Variants in AMOT observed in about 807,000 individuals in gnomAD.
The protein encoded by AMOT is angiomotin.
A neutral mutation model predicts 67.0 loss-of-function variants in AMOT; 11 were observed. The ratio of observed to expected loss-of-function variants is 0.16; its 90% confidence interval spans 0.10 to 0.27. The LOEUF (loss-of-function observed/expected upper bound fraction) is 0.27, where lower values mean the gene tolerates loss of function less well. AMOT is among the 10% of genes least tolerant of loss of function. The pLI is 1.00. For synonymous variants in AMOT, 326 were observed against 321.4 expected (o/e 1.01, Z -0.15); for missense variants, 753 against 852.0 (o/e 0.88, Z 1.45).
intron 2 of AMOT, among the ~76,000 whole-genome samples, chrX:112,825,884 T>C (rs1469905090): frequency 1.8e-5 from 2 of 109,321 alleles, no homozygotes; most frequent in African/African-American, 3.3e-5. Context: ...ATCTGATCAA[T>C]GGTCCATCCA....
chrX:112,798,074 A>C (rs1303714490), intron 8 of AMOT, among the ~76,000 whole-genome samples: 1 of 111,722 alleles, frequency 9.0e-6, no homozygotes, highest in Non-Finnish European at 1.9e-5. Context: ...TGATGCTTTT[A>C]CGTTCACCAG....
chrX:112,814,240 G>A (rs1171744920), intron 5 of AMOT, among the ~76,000 whole-genome samples: 1 of 107,089 alleles, frequency 9.3e-6, no homozygotes, highest in Non-Finnish European at 1.9e-5. Context: ...CCATTGCACT[G>A]CAGGCTAGGT....
chrX:112,782,513 T>G lies in AMOT; in HGVS notation c.2240+27A>C, dbSNP rs368636878. 31 of 1,208,765 alleles carry G rather than the reference T, an allele frequency of 2.6e-5. No homozygotes were observed. The African/African-American group carries it at 5.1e-4, about 20-fold the overall frequency. ...TGGTCTCTATATCAATGTCTCAGAT[T>G]CCTCAGGGTCCAGAACAACATTTTA... On this transcript the variant is annotated intron_variant, in intron 11 of 13. Transcript: ENST00000371959.
chrX:112,838,261 C>G (rs1935179627), intron 1 of AMOT, among the ~76,000 whole-genome samples: 1 of 111,500 alleles, frequency 9.0e-6, no homozygotes, highest in South Asian at 3.8e-4. Context: ...AAGAGGGGAA[C>G]AGGAAAGTGT....
At chrX:112,818,992 G>C (rs1325401510) in intron 4 of AMOT, among the ~76,000 whole-genome samples, 3 of 110,819 alleles carry the variant, frequency 2.7e-5, no homozygotes, top group Non-Finnish European at 5.7e-5. Flanking sequence ...GCAGAAAAGG[G>C]GACATAGCAT....
intron 2 of AMOT, among the ~76,000 whole-genome samples, chrX:112,827,251 T>C (rs1934866148): frequency 8.9e-6 from 1 of 112,610 alleles, no homozygotes; most frequent in East Asian, 2.8e-4. Context: ...TCTTTGTCTC[T>C]TGTTTAAAAA....
chrX:112,814,054 C>T (rs530344676), intron 5 of AMOT, among the ~76,000 whole-genome samples: 1 of 111,318 alleles, frequency 9.0e-6, no homozygotes, highest in Non-Finnish European at 1.9e-5. Flanking sequence ...GGGCGGATCA[C>T]CTGAGGTCGG....
chrX:112,836,377 T>C (rs1015863916), intron 1 of AMOT, among the ~76,000 whole-genome samples: 2 of 112,070 alleles, frequency 1.8e-5, no homozygotes, highest in Admixed American at 9.5e-5. Context: ...GTTTAGGGAT[T>C]ACTTATTATA....
chrX:112,788,920 C>T (rs1466715848), intron 10 of AMOT, among the ~76,000 whole-genome samples: 2 of 112,246 alleles, frequency 1.8e-5, no homozygotes, highest in African/African-American at 6.5e-5. Context: ...TTCTGAAAAT[C>T]CATCTGAAAG....
chrX:112,820,975 A>C (rs889788260), intron 4 of AMOT, among the ~76,000 whole-genome samples: 4 of 110,538 alleles, frequency 3.6e-5, no homozygotes, highest in East Asian at 2.8e-4. Flanking sequence ...AAAAAATCCT[A>C]AACTGGCAAA....
At chrX:112,789,650 C>T (rs1236146857) in intron 10 of AMOT, among the ~76,000 whole-genome samples, 7 of 110,770 alleles carry the variant, frequency 6.3e-5, no homozygotes, top group Admixed American at 1.9e-4. Flanking sequence ...CAAAGTCTGG[C>T]AAGCACTTCC....
chrX:112,827,742 A>T (rs893959895), intron 2 of AMOT, among the ~76,000 whole-genome samples: 1 of 111,680 alleles, frequency 9.0e-6, no homozygotes, highest in African/African-American at 3.3e-5. Flanking sequence ...AATGTTTCCC[A>T]AGACAAGTCC....
At chrX:112,800,550 A>G (rs983135738) in intron 8 of AMOT, among the ~76,000 whole-genome samples, 1 of 112,521 alleles carries the variant, frequency 8.9e-6, no homozygotes. Flanking sequence ...CTGTTTGAAA[A>G]TTATTTTGGA....
chrX:112,833,070 A>C (rs1366387273), intron 1 of AMOT, among the ~76,000 whole-genome samples: 1 of 111,727 alleles, frequency 9.0e-6, no homozygotes, highest in African/African-American at 3.3e-5. Flanking sequence ...CATATAACCC[A>C]GCTAACTTTC....
chrX:112,783,804 C>T (rs192588950), intron 10 of AMOT, among the ~76,000 whole-genome samples: 76 of 108,911 alleles, frequency 7.0e-4, no homozygotes, highest in Middle Eastern at 4.7e-3. Flanking sequence ...GACAATAGAC[C>T]GAGAAAACAA....
At chrX:112,815,961 G>C (rs1934545065) in intron 4 of AMOT, 84 bp from the exon 5 acceptor site, 1 of 1,101,283 alleles carries the variant, frequency 9.1e-7, no homozygotes, top group African/African-American at 1.9e-5. Context: ...AGATGAGGAG[G>C]CTTCTGATGC....
At chrX:112,820,857 T>C (rs1934694532) in intron 4 of AMOT, among the ~76,000 whole-genome samples, 1 of 109,971 alleles carries the variant, frequency 9.1e-6, no homozygotes, top group Admixed American at 9.7e-5. Context: ...TTACCCCATT[T>C]CCTGTTCCAA....
At chrX:112,817,900 T>C (rs1337681224) in intron 4 of AMOT, among the ~76,000 whole-genome samples, 3 of 111,890 alleles carry the variant, frequency 2.7e-5, no homozygotes, top group African/African-American at 9.8e-5. Context: ...TTCCATTCTA[T>C]GGATCTTCAG....
intron 12 of AMOT, 78 bp downstream of exon 12, chrX:112,780,808 T>C: frequency 1.9e-6 from 2 of 1,045,595 alleles, no homozygotes. Flanking sequence ...CCATCATCCC[T>C]TTTCCTTAAG....
Sources: gnomAD v4.1 joint callset for allele counts (sites outside exome capture counted in the v4.1 genomes callset) on GRCh38, gnomAD v4.1.1 for gene constraint, MANE v1.5 for transcripts, NCBI Gene and HGNC (gene_info 2026-07-23, HGNC 2026-07-21) for gene names.